Variants in USP32 observed in about 807,000 individuals in gnomAD.
The protein encoded by USP32 is ubiquitin specific peptidase 32, also known as ubiquitin carboxyl-terminal hydrolase 32.
A neutral mutation model predicts 204.8 loss-of-function variants in USP32; 59 were observed. The observed-to-expected ratio is 0.29, with a 90% CI of 0.23 to 0.36. The LOEUF is 0.36. Among genes scored for constraint, USP32 ranks in the 10% least tolerant of loss-of-function variants. USP32 has a pLI of 1.00. For missense variants in USP32, 1,160 were observed against 1,946.4 expected, an observed-to-expected ratio of 0.60 and a Z score of 7.60; for synonymous variants, 517 against 678.4, an observed-to-expected ratio of 0.76 and a Z score of 3.70.
chr17:60,287,839 C>T (rs1413470851), intron 5 of USP32, among the ~76,000 whole-genome samples: 1 of 152,078 alleles, frequency 6.6e-6, no homozygotes, highest in Non-Finnish European at 1.5e-5. Flanking sequence ...TCAGGCCGGG[C>T]ATGGTGGCTC....
At chr17:60,281,970 G>T (rs566206527) in intron 5 of USP32, among the ~76,000 whole-genome samples, 1 of 152,060 alleles carries the variant, frequency 6.6e-6, no homozygotes, top group Non-Finnish European at 1.5e-5. Flanking sequence ...GTAGACTTAC[G>T]GCTGACTTGT....
intron 12 of USP32, among the ~76,000 whole-genome samples, chr17:60,229,766 C>T (rs2085493498): frequency 6.6e-6 from 1 of 152,184 alleles, no homozygotes; most frequent in Admixed American, 6.5e-5. Flanking sequence ...AATTTATACT[C>T]ACTTCTATAT....
At chr17:60,419,824 ATTATTATT>A (rs2090093752) in intron 1 of USP32, among the ~76,000 whole-genome samples, 2 of 53,628 alleles carry the variant, frequency 3.7e-5, no homozygotes, top group African/African-American at 3.9e-4. Context: ...AAAAATTATT[ATTATTATT>A]ATTATTATTA....
At chr17:60,414,858 T>A (rs891423701) in intron 1 of USP32, among the ~76,000 whole-genome samples, 1 of 147,768 alleles carries the variant, frequency 6.8e-6, no homozygotes, top group African/African-American at 2.5e-5. Context: ...TTTCTTTCTT[T>A]TTTTTTTTTT....
At chr17:60,276,946 C>CAT (rs35211470) in intron 5 of USP32, among the ~76,000 whole-genome samples, 17,690 of 140,588 alleles carry the variant, frequency 0.13, 1,202 homozygotes, top group African/African-American at 0.19. Flanking sequence ...ATTACATATA[C>CAT]ATATATATAT....
At chr17:60,284,023 T>C (rs1304074339) in intron 5 of USP32, among the ~76,000 whole-genome samples, 8 of 152,228 alleles carry the variant, frequency 5.3e-5, no homozygotes, top group Non-Finnish European at 1.2e-4. Flanking sequence ...AACTACAATG[T>C]TTCAAAAGCC....
chr17:60,358,854 G>T (rs2146045998), intron 1 of USP32, among the ~76,000 whole-genome samples: 1 of 152,304 alleles, frequency 6.6e-6, no homozygotes, highest in African/African-American at 2.4e-5. Flanking sequence ...TGATTACAGG[G>T]CCAACAGGGA....
chr17:60,241,196 A>T (rs1449230384), intron 11 of USP32, among the ~76,000 whole-genome samples: 1 of 152,092 alleles, frequency 6.6e-6, no homozygotes, highest in Non-Finnish European at 1.5e-5. Context: ...ACGGGGTTCC[A>T]TCATGTTGGC....
intron 14 of USP32, 129 bp from the exon 15 acceptor site, chr17:60,222,678 T>A (rs1406984379): frequency 6.3e-6 from 1 of 159,184 alleles, no homozygotes; most frequent in Non-Finnish European, 1.0e-5. Context: ...AAAAACTTAA[T>A]TTTTTTTTTT....
chr17:60,249,717 T>C (rs1480944224), intron 11 of USP32: 2 of 700,442 alleles, frequency 2.9e-6, no homozygotes, highest in Admixed American at 4.0e-5. Context: ...TAAATGCTTC[T>C]CAATTTCTTG....
chr17:60,411,221 G>T (rs1389275750), intron 1 of USP32, among the ~76,000 whole-genome samples: 1 of 151,846 alleles, frequency 6.6e-6, no homozygotes, highest in African/African-American at 2.4e-5. Context: ...GCTATTTGGG[G>T]GCTGAGGCAG....
chr17:60,364,402 C>G (rs368212137), intron 1 of USP32, among the ~76,000 whole-genome samples: 2 of 152,206 alleles, frequency 1.3e-5, no homozygotes, highest in African/African-American at 4.8e-5. Context: ...TTGTTTCAGA[C>G]AGAAGCTCAC....
intron 5 of USP32, among the ~76,000 whole-genome samples, chr17:60,274,807 AG>A (rs1287501343): frequency 6.6e-6 from 1 of 152,194 alleles, no homozygotes; most frequent in African/African-American, 2.4e-5. Flanking sequence ...AAACAGAATA[AG>A]GCTAACAATG....
In USP32 at chr17:60,205,642, T is replaced by C. The variant is rs1203616141; in HGVS notation, c.3054A>G (p.Pro1018=). ...TTAGGGTGAACATTTCATTTGTAGA[T>C]GGCGAAGAGGAGAAATCTACAAATT... ...SPTQTDFSSS[P]STNEMFTLTT... The change falls in exon 26 of 34, where the codon CCA becomes CCG. Residue 1018 remains proline, a synonymous_variant. Coordinates refer to ENST00000300896, the MANE Select transcript of USP32 (RefSeq NM_032582.4). The C allele has an allele frequency of 3.1e-6, 5 of 1,613,984 alleles. No individual in the cohort carries two copies. In the Admixed American group the frequency reaches 5.0e-5, roughly 16 times the overall value.
intron 28 of USP32, among the ~76,000 whole-genome samples, chr17:60,192,278 G>A (rs1408724750): frequency 6.6e-6 from 1 of 152,036 alleles, no homozygotes; most frequent in South Asian, 2.1e-4. Context: ...GTGACAGAGC[G>A]AGACTCCATC....
chr17:60,272,103 C>T (rs1428208085), intron 5 of USP32, among the ~76,000 whole-genome samples: 1 of 152,172 alleles, frequency 6.6e-6, no homozygotes, highest in East Asian at 1.9e-4. Context: ...GTGTGAGCCA[C>T]TGTGCTCAGC....
At chr17:60,417,095 T>G (rs1306980805) in intron 1 of USP32, among the ~76,000 whole-genome samples, 1 of 152,000 alleles carries the variant, frequency 6.6e-6, no homozygotes, top group African/African-American at 2.4e-5. Context: ...TTTTTATATT[T>G]TTAGTAGAGA....
intron 1 of USP32, among the ~76,000 whole-genome samples, chr17:60,405,242 A>G (rs2089966585): frequency 6.6e-6 from 1 of 152,064 alleles, no homozygotes; most frequent in Non-Finnish European, 1.5e-5. Flanking sequence ...TCGCTCTGTC[A>G]CCCAGGCTGG....
At chr17:60,201,473 T>C (rs1228212186) in intron 26 of USP32, among the ~76,000 whole-genome samples, 1 of 151,872 alleles carries the variant, frequency 6.6e-6, no homozygotes, top group Non-Finnish European at 1.5e-5. Flanking sequence ...TAGTATTTAA[T>C]TTATAATTAA....
Sources: allele counts gnomAD v4.1 joint callset (sites outside exome capture counted in the v4.1 genomes callset), GRCh38; gene constraint gnomAD v4.1.1; transcripts MANE v1.5; gene names NCBI Gene and HGNC (gene_info 2026-07-23, HGNC 2026-07-21).